Variants in ANKRD42 observed in about 807,000 individuals in gnomAD.
ANKRD42 encodes ankyrin repeat domain 42.
A neutral mutation model predicts 51.5 loss-of-function variants in ANKRD42; 43 were observed. That is an observed-to-expected ratio of 0.83 (90% confidence interval 0.65 to 1.08). ANKRD42 has a LOEUF of 1.08. Ranked by LOEUF, ANKRD42 falls within the 50% of genes least tolerant of loss-of-function variation. The pLI, the probability that ANKRD42 is intolerant of heterozygous loss-of-function variation, is 0.00. For missense variants in ANKRD42, 608 were observed against 629.3 expected (o/e 0.97, Z 0.36); for synonymous variants, 203 against 213.0 (o/e 0.95, Z 0.41).
chr11:83,240,159 A>C (rs1023294805), intron 8 of ANKRD42, among the ~76,000 whole-genome samples: 1 of 152,226 alleles, frequency 6.6e-6, no homozygotes, highest in South Asian at 2.1e-4. Context: ...GTTGCATGCA[A>C]TCACAACAAC....
chr11:83,211,854 A>C (rs987441681), intron 5 of ANKRD42, among the ~76,000 whole-genome samples: 1 of 152,080 alleles, frequency 6.6e-6, no homozygotes, highest in Admixed American at 6.6e-5. Flanking sequence ...TCCCTCACAA[A>C]ACGAAGTAGT....
intron 10 of ANKRD42, 60 bp from the exon 11 acceptor site, chr11:83,247,883 C>T: frequency 7.2e-7 from 1 of 1,396,430 alleles, no homozygotes; most frequent in African/African-American, 1.4e-5. Context: ...CTTTCCACTA[C>T]TAAAAGTAAT....
chr11:83,219,761 G>A (rs1288912295), intron 5 of ANKRD42, among the ~76,000 whole-genome samples: 1 of 152,196 alleles, frequency 6.6e-6, no homozygotes, highest in East Asian at 1.9e-4. Flanking sequence ...GAGCAATGGA[G>A]GAAATGCCCT....
downstream of ANKRD42, chr11:83,261,938 T>C (rs568695215): frequency 3.1e-6 from 5 of 1,603,144 alleles, no homozygotes; most frequent in African/African-American, 4.0e-5. Flanking sequence ...AAAATCCCAA[T>C]GCTATTGCCA....
intron 5 of ANKRD42, among the ~76,000 whole-genome samples, chr11:83,216,580 T>C (rs891866160): frequency 6.6e-6 from 1 of 152,006 alleles, no homozygotes; most frequent in African/African-American, 2.4e-5. Context: ...CGCCTCGGCC[T>C]CCCAAAGTGC....
downstream of ANKRD42, among the ~76,000 whole-genome samples, chr11:83,256,932 T>C (rs936496042): frequency 2.6e-5 from 4 of 152,166 alleles, no homozygotes; most frequent in African/African-American, 7.2e-5. Context: ...ATATAAAATA[T>C]ACCTACCTCA....
chr11:83,260,952 T>TAAATA, downstream of ANKRD42: 1 of 152,340 alleles, frequency 6.6e-6, no homozygotes, highest in South Asian at 2.1e-4. Context: ...TAAGATGGGT[T>TAAATA]AACTTAAACT....
At chr11:83,212,713 A>G in intron 5 of ANKRD42, 2 of 1,535,990 alleles carry the variant, frequency 1.3e-6, no homozygotes, top group Non-Finnish European at 1.7e-6. Context: ...GACTTACATA[A>G]TTTGGCACCT....
At chr11:83,225,202 CAT>C (rs1368149272) in intron 6 of ANKRD42, 147 bp downstream of exon 6, 11 of 624,734 alleles carry the variant, frequency 1.8e-5, no homozygotes, top group African/African-American at 3.8e-5. Flanking sequence ...TAATATATAA[CAT>C]ATTAAAATTT....
chr11:83,237,928 G>T (rs1046407099), intron 8 of ANKRD42, among the ~76,000 whole-genome samples: 4 of 152,116 alleles, frequency 2.6e-5, no homozygotes, highest in East Asian at 1.9e-4. Flanking sequence ...TCTGCTTCCT[G>T]TCACTGTAGA....
intron 7 of ANKRD42, among the ~76,000 whole-genome samples, chr11:83,232,716 G>T (rs1267184805): frequency 6.6e-6 from 1 of 152,066 alleles, no homozygotes; most frequent in East Asian, 1.9e-4. Context: ...CTAGCTGTGG[G>T]TCTGTCATAT....
intron 2 of ANKRD42, among the ~76,000 whole-genome samples, chr11:83,205,210 C>T (rs1054236118): frequency 2.6e-5 from 4 of 152,208 alleles, no homozygotes; most frequent in Non-Finnish European, 5.9e-5. Flanking sequence ...TCGACAGTGG[C>T]TTTATTCTCT....
intron 9 of ANKRD42, among the ~76,000 whole-genome samples, chr11:83,244,902 A>ACTG (rs1419586248): frequency 6.6e-6 from 1 of 151,518 alleles, no homozygotes; most frequent in Non-Finnish European, 1.5e-5. Context: ...GTCCTAAAAC[A>ACTG]CTGCTAGTCT....
intron 2 of ANKRD42, among the ~76,000 whole-genome samples, chr11:83,198,943 G>A (rs1861765086): frequency 6.6e-6 from 1 of 152,044 alleles, no homozygotes; most frequent in Non-Finnish European, 1.5e-5. Flanking sequence ...AAAAAGCTGG[G>A]GCTAGATTCT....
intron 3 of ANKRD42, chr11:83,210,068 C>T: frequency 4.9e-6 from 2 of 405,790 alleles, no homozygotes; most frequent in Non-Finnish European, 8.8e-6. Flanking sequence ...GAAATCTGTT[C>T]ATGTTAAAAG....
intron 3 of ANKRD42, 42 bp downstream of exon 3, chr11:83,206,207 A>C: frequency 6.8e-7 from 1 of 1,464,810 alleles, no homozygotes; most frequent in South Asian, 1.2e-5. Context: ...TTACTTTAAC[A>C]TAGTTCTGTT....
At chr11:83,240,734 G>T (rs1458165455) in intron 8 of ANKRD42, 25 bp from the exon 9 acceptor site, 1 of 1,612,428 alleles carries the variant, frequency 6.2e-7, no homozygotes, top group African/African-American at 1.3e-5. Context: ...TGTGGATCTG[G>T]TTAGTTATTG....
At chr11:83,222,954 A>G (rs1036570477) in intron 5 of ANKRD42, among the ~76,000 whole-genome samples, 2 of 152,086 alleles carry the variant, frequency 1.3e-5, no homozygotes, top group African/African-American at 2.4e-5. Flanking sequence ...CCCATGTTTA[A>G]AGGGATCATT....
chr11:83,197,043 C>G (rs766663164), intron 1 of ANKRD42, among the ~76,000 whole-genome samples: 1 of 151,994 alleles, frequency 6.6e-6, no homozygotes, highest in Non-Finnish European at 1.5e-5. Context: ...GAATGAAGGT[C>G]CGGCCTAGGG....
Sources: allele counts gnomAD v4.1 joint callset (sites outside exome capture counted in the v4.1 genomes callset), GRCh38; gene constraint gnomAD v4.1.1; transcripts MANE v1.5; gene names NCBI Gene and HGNC (gene_info 2026-07-23, HGNC 2026-07-21).